GABRA2: variants seen among roughly 807,000 people sequenced by gnomAD.
GABRA2 encodes gamma-aminobutyric acid type A receptor subunit alpha2.
A neutral mutation model predicts 48.7 loss-of-function variants in GABRA2; 16 were observed. The observed-to-expected ratio is 0.33, with a 90% confidence interval of 0.22 to 0.50. GABRA2 has a LOEUF of 0.50. Ranked by LOEUF, GABRA2 falls within the 20% of genes least tolerant of loss-of-function variation. The probability of loss-of-function intolerance (pLI) is 0.98; values close to 1 mark genes in which losing one functional copy is unlikely to be tolerated. For missense variants in GABRA2, 275 were observed against 535.6 expected (o/e 0.51, Z 4.80); for synonymous variants, 185 against 184.5 (o/e 1.00, Z -0.02).
At chr4:46,323,632 T>A (rs1729831093) in intron 4 of GABRA2, among the ~76,000 whole-genome samples, 1 of 151,794 alleles carries the variant, frequency 6.6e-6, no homozygotes, top group Non-Finnish European at 1.5e-5. Flanking sequence ...GAAATCTCGT[T>A]GAAATGTACA....
At chr4:46,255,192 G>A (rs556097860) in intron 9 of GABRA2, among the ~76,000 whole-genome samples, 1 of 151,766 alleles carries the variant, frequency 6.6e-6, no homozygotes, top group African/African-American at 2.4e-5. Context: ...CTGGCTCAGA[G>A]CAGGCTCAGA....
intron 3 of GABRA2, among the ~76,000 whole-genome samples, chr4:46,348,162 T>A (rs1051666438): frequency 1.3e-5 from 2 of 151,810 alleles, no homozygotes; most frequent in African/African-American, 2.4e-5. Flanking sequence ...CAGCCAAAAG[T>A]CACATGAAAA....
At chr4:46,362,345 C>CT (rs1460388184) in intron 3 of GABRA2, among the ~76,000 whole-genome samples, 2 of 152,134 alleles carry the variant, frequency 1.3e-5, no homozygotes, top group Non-Finnish European at 2.9e-5. Flanking sequence ...TAAGATGTGA[C>CT]TTAATCCTCC....
chr4:46,325,677 T>A (rs1196226510), intron 4 of GABRA2, among the ~76,000 whole-genome samples: 1 of 152,012 alleles, frequency 6.6e-6, no homozygotes, highest in Non-Finnish European at 1.5e-5. Flanking sequence ...TGGCATTTCC[T>A]AGGTTTTCTT....
At chr4:46,389,021 A>C in intron 1 of GABRA2, 1 of 1,154,538 alleles carries the variant, frequency 8.7e-7, no homozygotes, top group African/African-American at 1.8e-5. Flanking sequence ...ATCGTCAGCA[A>C]ACACTGTTTT....
rs1717911839 is a variant in GABRA2 at position 46,389,277 on chromosome 4, CAAAAT to C, written c.-11+453_-11+457del. ...GTCTTCTTTTCTTCACTCCCCTTAACAAAATAAAATAAATAATTTCCCTTCCTGCC... is the reference window on the plus strand; with the variant it reads ...GTCTTCTTTTCTTCACTCCCCTTAACAAAATAAATAATTTCCCTTCCTGCC... On this transcript the variant is annotated intron_variant, in intron 1 of 9. Transcript: ENST00000381620. 5 of 985,304 alleles carry C rather than the reference CAAAAT, an allele frequency of 5.1e-6. No homozygotes were observed. The South Asian group carries it at 2.3e-4, about 46-fold the overall frequency. 61.0% of individuals were successfully genotyped at this position (985,304 alleles called of 1,614,324 possible). A position where few individuals can be genotyped will look rare whatever the true frequency, so the allele number is the denominator to read the frequency against.
intron 3 of GABRA2, among the ~76,000 whole-genome samples, chr4:46,338,364 A>G (rs976525394): frequency 6.6e-6 from 1 of 151,944 alleles, no homozygotes; most frequent in Non-Finnish European, 1.5e-5. Context: ...TTGAGCCAGT[A>G]AAGTTTCTAA....
In GABRA2 at chr4:46,381,596, A is replaced by G. The variant is rs1297329967; in HGVS notation, c.187+4478T>C. Among the ~76,000 whole-genome samples, 5 of 152,278 alleles carry G rather than the reference A, an allele frequency of 3.3e-5. No homozygotes were observed. In the East Asian group the frequency reaches 9.7e-4, roughly 29 times the overall value. On this transcript the variant is annotated intron_variant, in intron 3 of 9. Transcript: ENST00000381620. ...TACCTAACAATACTAATTCCTATCA[A>G]TTGTATGTCACATTGCACTTTCTTA...
At chr4:46,268,344 T>C (rs1174756957) in intron 8 of GABRA2, among the ~76,000 whole-genome samples, 1 of 151,852 alleles carries the variant, frequency 6.6e-6, no homozygotes, top group Non-Finnish European at 1.5e-5. Flanking sequence ...AACACCTCTA[T>C]AGAAATAAAA....
At chr4:46,303,412 A>G in intron 8 of GABRA2, 48 bp downstream of exon 8, 1 of 1,510,022 alleles carries the variant, frequency 6.6e-7, no homozygotes, top group Non-Finnish European at 9.2e-7. Context: ...TTTTGAAAGT[A>G]TGCTATGAAA....
At chr4:46,300,324 G>C (rs1034194355) in intron 8 of GABRA2, among the ~76,000 whole-genome samples, 27 of 151,866 alleles carry the variant, frequency 1.8e-4, no homozygotes, top group African/African-American at 6.0e-4. Context: ...CGCGCGTTTT[G>C]AGATGTTGAA....
chr4:46,262,472 T>C (rs1384275680), intron 8 of GABRA2, among the ~76,000 whole-genome samples: 1 of 152,094 alleles, frequency 6.6e-6, no homozygotes, highest in Non-Finnish European at 1.5e-5. Flanking sequence ...CTTTAAATGG[T>C]CCCATTGACA....
At chr4:46,307,468 T>C (rs1172102661) in intron 6 of GABRA2, among the ~76,000 whole-genome samples, 3 of 151,074 alleles carry the variant, frequency 2.0e-5, no homozygotes, top group African/African-American at 7.3e-5. Context: ...CGGAACGACA[T>C]CACTTTTGAA....
chr4:46,324,473 T>C (rs780096655), intron 4 of GABRA2, among the ~76,000 whole-genome samples: 6 of 151,998 alleles, frequency 3.9e-5, no homozygotes, highest in Admixed American at 1.3e-4. Context: ...CCTCAAAACT[T>C]GAAACCTAGG....
At chr4:46,261,781 CAAG>C in intron 9 of GABRA2, 142 bp downstream of exon 9, 1 of 730,166 alleles carries the variant, frequency 1.4e-6, no homozygotes, top group Non-Finnish European at 2.3e-6. Context: ...GGATTTCAGG[CAAG>C]AACACTTTAA....
chr4:46,298,852 G>A, intron 8 of GABRA2, among the ~76,000 whole-genome samples: 1 of 151,764 alleles, frequency 6.6e-6, no homozygotes, highest in Non-Finnish European at 1.5e-5. Flanking sequence ...AAACTGTGTA[G>A]CAACTAAAAT....
chr4:46,273,248 A>AT (rs1408054164), intron 8 of GABRA2, among the ~76,000 whole-genome samples: 1 of 151,196 alleles, frequency 6.6e-6, no homozygotes, highest in African/African-American at 2.4e-5. Flanking sequence ...GTTGTTTTTC[A>AT]TTTTTTAAAT....
intron 4 of GABRA2, among the ~76,000 whole-genome samples, chr4:46,313,677 G>A (rs1213343603): frequency 1.3e-5 from 2 of 151,716 alleles, no homozygotes; most frequent in Non-Finnish European, 2.9e-5. Flanking sequence ...TGTGAATACT[G>A]TTTACAATCC....
At chr4:46,253,862 T>C (rs539067963) in intron 9 of GABRA2, among the ~76,000 whole-genome samples, 4 of 151,550 alleles carry the variant, frequency 2.6e-5, no homozygotes, top group Non-Finnish European at 5.9e-5. Context: ...AGTCTTATTT[T>C]AAAGGGGAAA....
Sources: gnomAD v4.1 joint callset for allele counts (sites outside exome capture counted in the v4.1 genomes callset) on GRCh38, gnomAD v4.1.1 for gene constraint, MANE v1.5 for transcripts, NCBI Gene and HGNC (gene_info 2026-07-23, HGNC 2026-07-21) for gene names.